CNOT6L: variants seen among roughly 807,000 people sequenced by gnomAD.
CNOT6L encodes CCR4-NOT transcription complex subunit 6 like.
A neutral mutation model predicts 64.0 loss-of-function variants in CNOT6L; 7 were observed. The observed-to-expected ratio is 0.11, with a 90% CI of 0.06 to 0.21. The LOEUF (loss-of-function observed/expected upper bound fraction) is 0.21, where lower values mean the gene tolerates loss of function less well. CNOT6L is among the 10% of genes least tolerant of loss of function. CNOT6L has a pLI of 1.00. For synonymous variants in CNOT6L, 193 were observed against 243.4 expected (o/e 0.79, Z 1.93); for missense variants, 245 against 669.0 (o/e 0.37, Z 6.99).
At chr4:77,792,705 G>A (rs1239904579) in intron 1 of CNOT6L, among the ~76,000 whole-genome samples, 2 of 137,248 alleles carry the variant, frequency 1.5e-5, no homozygotes, top group Non-Finnish European at 3.1e-5. Context: ...CAGCCTGGGT[G>A]ACAGAGTAAG....
intron 1 of CNOT6L, among the ~76,000 whole-genome samples, chr4:77,785,032 G>A (rs1389600840): frequency 6.6e-6 from 1 of 152,110 alleles, no homozygotes; most frequent in Non-Finnish European, 1.5e-5. Context: ...CTGATTTCAA[G>A]ACTTACTAAA....
intron 5 of CNOT6L, among the ~76,000 whole-genome samples, chr4:77,750,082 AG>A (rs996491124): frequency 1.3e-5 from 2 of 152,212 alleles, no homozygotes; most frequent in African/African-American, 4.8e-5. Context: ...AAAAAGAAGT[AG>A]AAAAAAATAG....
At chr4:77,753,119 AAGAG>A (rs1725026686) in intron 5 of CNOT6L, among the ~76,000 whole-genome samples, 1 of 151,456 alleles carries the variant, frequency 6.6e-6, no homozygotes, top group African/African-American at 2.4e-5. Context: ...AACTCATAGA[AAGAG>A]AAATGGAAAT....
chr4:77,783,661 T>C (rs949757597), intron 1 of CNOT6L, among the ~76,000 whole-genome samples: 3 of 152,154 alleles, frequency 2.0e-5, no homozygotes, highest in African/African-American at 7.2e-5. Flanking sequence ...AAGTTTTAAA[T>C]GGCCTAATAT....
At chr4:77,796,996 T>C (rs1281684201) in intron 1 of CNOT6L, among the ~76,000 whole-genome samples, 3 of 149,890 alleles carry the variant, frequency 2.0e-5, no homozygotes, top group African/African-American at 7.4e-5. Flanking sequence ...GATGAGAGGA[T>C]CACTTGAGCC....
chr4:77,746,589 TGAAA>T (rs1332850497), intron 6 of CNOT6L, among the ~76,000 whole-genome samples: 1 of 152,230 alleles, frequency 6.6e-6, no homozygotes, highest in African/African-American at 2.4e-5. Context: ...CAGCAATTAA[TGAAA>T]ATTTGTTTCT....
Position 77,819,243 on chromosome 4 carries a change from C to T in CNOT6L, c.5+61G>A, listed in dbSNP as rs1192546884. The T allele has an allele frequency of 2.5e-6, 4 of 1,613,136 alleles. No homozygotes were observed. In the African/African-American group the frequency reaches 4.0e-5, roughly 16 times the overall value. ...TTGTCCCTCTCCCACCTCATTTCCCCGGGGACGCGCTCCTCTTCCCAACAC... is the reference window on the plus strand; with the variant it reads ...TTGTCCCTCTCCCACCTCATTTCCCTGGGGACGCGCTCCTCTTCCCAACAC... On this transcript the variant is annotated intron_variant, in intron 1 of 11. Transcript: ENST00000504123.
chr4:77,780,974 T>TA (rs1268847185), intron 1 of CNOT6L, among the ~76,000 whole-genome samples: 6 of 151,948 alleles, frequency 3.9e-5, no homozygotes, highest in Non-Finnish European at 2.9e-5. Flanking sequence ...ACCCTGCCTC[T>TA]AAAAAACATA....
At chr4:77,769,705 A>G (rs1727321553) in intron 4 of CNOT6L, among the ~76,000 whole-genome samples, 1 of 152,180 alleles carries the variant, frequency 6.6e-6, no homozygotes, top group African/African-American at 2.4e-5. Context: ...TTTCTTTAAA[A>G]TGCATGTTAA....
At chr4:77,743,416 TGTTA>T (rs886423689) in intron 7 of CNOT6L, among the ~76,000 whole-genome samples, 1 of 152,078 alleles carries the variant, frequency 6.6e-6, no homozygotes, top group African/African-American at 2.4e-5. Flanking sequence ...CCCAATTCTC[TGTTA>T]GTCTCAGTAT....
chr4:77,788,048 C>A (rs1729650460), intron 1 of CNOT6L, among the ~76,000 whole-genome samples: 1 of 152,184 alleles, frequency 6.6e-6, no homozygotes, highest in Admixed American at 6.5e-5. Flanking sequence ...TTTGACCAAA[C>A]TTCTTTTTTG....
chr4:77,728,815 G>T, intron 10 of CNOT6L, 39 bp downstream of exon 10: 1 of 1,537,146 alleles, frequency 6.5e-7, no homozygotes, highest in Non-Finnish European at 9.0e-7. Flanking sequence ...AAGAGTAAAA[G>T]TGAAATTGAA....
chr4:77,783,028 G>A (rs1729042493), intron 1 of CNOT6L, among the ~76,000 whole-genome samples: 1 of 151,604 alleles, frequency 6.6e-6, no homozygotes, highest in Non-Finnish European at 1.5e-5. Flanking sequence ...GCCTGTGGAT[G>A]GCATTTGTCT....
chr4:77,730,440 C>T lies in CNOT6L; in HGVS notation c.1024+947G>A, dbSNP rs141727303. Among the ~76,000 whole-genome samples the T allele has an allele frequency of 3.2e-4, 49 of 151,918 alleles. No homozygotes were observed. The East Asian group carries it at 4.2e-3, about 13-fold the overall frequency. ...AGTACAAGAGATATGTATTTCAGAA[C>T]GTAAAAGTCTCTACTATTTAGAATT... On this transcript the variant is annotated intron_variant, in intron 9 of 11. Transcript: ENST00000504123.
At chr4:77,742,353 T>C (rs1723688718) in intron 7 of CNOT6L, 58 bp from the exon 8 acceptor site, 5 of 1,458,272 alleles carry the variant, frequency 3.4e-6, no homozygotes, top group African/African-American at 1.4e-5. Flanking sequence ...GATTAAGATA[T>C]AAAAATGTTC....
chr4:77,745,487 C>G (rs1724086771), intron 6 of CNOT6L, among the ~76,000 whole-genome samples: 1 of 152,144 alleles, frequency 6.6e-6, no homozygotes, highest in Non-Finnish European at 1.5e-5. Context: ...GCTGTGAAGA[C>G]CAGCAGCATC....
intron 7 of CNOT6L, 69 bp from the exon 8 acceptor site, chr4:77,742,364 A>G (rs374245071): frequency 7.5e-7 from 1 of 1,334,646 alleles, no homozygotes. Context: ...AAAAATGTTC[A>G]GCATTATGAG....
At chr4:77,806,552 A>T (rs1453022043) in intron 1 of CNOT6L, among the ~76,000 whole-genome samples, 9 of 152,210 alleles carry the variant, frequency 5.9e-5, no homozygotes, top group Admixed American at 5.9e-4. Flanking sequence ...AGTATCTATT[A>T]ATCAAAACAA....
intron 1 of CNOT6L, among the ~76,000 whole-genome samples, chr4:77,782,060 T>G (rs1057082274): frequency 2.6e-5 from 4 of 152,178 alleles, no homozygotes; most frequent in African/African-American, 9.7e-5. Flanking sequence ...AATTTAGAGT[T>G]CAGAGTAAAT....
Sources: gnomAD v4.1 joint callset for allele counts (sites outside exome capture counted in the v4.1 genomes callset) on GRCh38, gnomAD v4.1.1 for gene constraint, MANE v1.5 for transcripts, NCBI Gene and HGNC (gene_info 2026-07-23, HGNC 2026-07-21) for gene names.